The following ATP2A2 variants were observed in gnomAD, a reference collection of about 807,000 sequenced individuals.
ATP2A2 encodes the protein ATPase sarcoplasmic/endoplasmic reticulum Ca2+ transporting 2.
Under a neutral mutation model 109.3 loss-of-function variants are expected in ATP2A2, and 14 were observed. The observed-to-expected ratio is 0.13, with a 90% CI of 0.08 to 0.20. The LOEUF is 0.20. ATP2A2 is among the 10% of genes least tolerant of loss of function. The pLI is 1.00. For missense variants in ATP2A2, 657 were observed against 1,321.6 expected (o/e 0.50, Z 7.80); for synonymous variants, 506 against 490.9 (o/e 1.03, Z -0.41).
At chr12:110,299,011 C>G (rs1047174907) in intron 5 of ATP2A2, among the ~76,000 whole-genome samples, 2 of 152,070 alleles carry the variant, frequency 1.3e-5, no homozygotes, top group Non-Finnish European at 2.9e-5. Flanking sequence ...AATCTGTCAC[C>G]CAGGCTGGAG....
chr12:110,337,437 C>T (rs955259683), intron 11 of ATP2A2, among the ~76,000 whole-genome samples: 1 of 152,204 alleles, frequency 6.6e-6, no homozygotes, highest in Admixed American at 6.5e-5. Context: ...CATCCCAGTG[C>T]CATTGGCGCA....
rs76586905 is a variant in ATP2A2, at chr12:110,350,308, G to A, written c.*3838G>A. 27 of 1,614,088 alleles carry A rather than the reference G, an allele frequency of 1.7e-5. No homozygotes were observed. The African/African-American group carries it at 2.3e-4, about 14-fold the overall frequency. On this transcript the variant is annotated 3_prime_UTR_variant, in exon 20 of 20. Coordinates refer to ENST00000539276, the MANE Select transcript of ATP2A2 (RefSeq NM_170665.4). ...CCTTTTCAGCAATACTGGAGTAACC[G>A]CTTCCTAAACCATTTTGCAGAAATG...
Position 110,323,972 on chromosome 12 carries a change from A to T in ATP2A2, c.544+900A>T, listed in dbSNP as rs1877509618. On this transcript the variant is annotated intron_variant, in intron 6 of 19. Transcript: ENST00000539276. ...TGTTGTATCAATCTTTACAGTATCC[A>T]AATACACAATGAACAAAAGTTAGCC... 1.3e-5 allele frequency among the ~76,000 whole-genome samples: 2 copies of T among 152,222 alleles called. 1 individual carries two copies. Among genetic ancestry groups the T allele is most frequent in the South Asian group, 4.1e-4 (2 of 4,832 alleles).
chr12:110,313,130 C>T (rs1286034581), intron 5 of ATP2A2, among the ~76,000 whole-genome samples: 1 of 152,046 alleles, frequency 6.6e-6, no homozygotes, highest in Non-Finnish European at 1.5e-5. Context: ...GATCTTGAAG[C>T]CTGACCTGAT....
rs1566246039 is a variant in ATP2A2 at position 110,348,713 on chromosome 12, A to C, written c.*2243A>C. The C allele has an allele frequency of 1.0e-6, 1 of 985,298 alleles. No homozygotes were observed. The highest frequency in any genetic ancestry group is 1.2e-6 in the Non-Finnish European group (1 of 829,970). The allele number at this position is 985,298 out of a possible 1,614,324, so 61.0% of individuals were successfully genotyped here. A position where few individuals can be genotyped will look rare whatever the true frequency, so the allele number is the denominator to read the frequency against. ...AGTGAGGCCCTGTCAAAAAAAAATCAGCCTTACTGTGAAGCCTCCAAGGCT... is the reference window on the plus strand; with the variant it reads ...AGTGAGGCCCTGTCAAAAAAAAATCCGCCTTACTGTGAAGCCTCCAAGGCT... On this transcript the variant is annotated 3_prime_UTR_variant, in exon 20 of 20. Coordinates refer to ENST00000539276, the MANE Select transcript of ATP2A2 (RefSeq NM_170665.4).
intron 5 of ATP2A2, among the ~76,000 whole-genome samples, chr12:110,299,486 G>C (rs1393554362): frequency 6.6e-6 from 1 of 152,116 alleles, no homozygotes; most frequent in East Asian, 1.9e-4. Flanking sequence ...ACAATCATCT[G>C]GGGGCACTCT....
rs78135790 is a variant in ATP2A2 at position 110,349,303 on chromosome 12, G to C, written c.*2833G>C. 1 of 985,406 alleles carries C rather than the reference G, an allele frequency of 1.0e-6. No homozygotes were observed. The highest frequency in any genetic ancestry group is 1.7e-5 in the African/African-American group (1 of 57,248). The allele number at this position is 985,406 out of a possible 1,614,324, so 61.0% of individuals were successfully genotyped here. A position where few individuals can be genotyped will look rare whatever the true frequency, so the allele number is the denominator to read the frequency against. On this transcript the variant is annotated 3_prime_UTR_variant, in exon 20 of 20. Transcript: ENST00000539276. ...AGTGAGGCAGCAGCTGCCCAGCCCCGCAATGTGCCTGCTGTCAGGCAGCTC... is the reference window on the plus strand; with the variant it reads ...AGTGAGGCAGCAGCTGCCCAGCCCCCCAATGTGCCTGCTGTCAGGCAGCTC...
intron 3 of ATP2A2, among the ~76,000 whole-genome samples, chr12:110,284,271 A>G (rs1373263705): frequency 6.6e-6 from 1 of 152,260 alleles, no homozygotes; most frequent in Non-Finnish European, 1.5e-5. Flanking sequence ...TCATGGGGCA[A>G]AATAAATGAT....
chr12:110,318,217 G>T (rs770827820), intron 5 of ATP2A2, among the ~76,000 whole-genome samples: 3 of 152,112 alleles, frequency 2.0e-5, no homozygotes, highest in Non-Finnish European at 4.4e-5. Context: ...AAAAGTATTC[G>T]GTGGACCTTT....
chr12:110,333,158 A>G (rs750633677), intron 9 of ATP2A2, 23 bp from the exon 10 acceptor site: 2 of 1,592,584 alleles, frequency 1.3e-6, no homozygotes, highest in Non-Finnish European at 1.7e-6. Flanking sequence ...ACCCTGCTCT[A>G]AGAGTGTTTT....
rs753907244 is a variant in ATP2A2 at position 110,340,807 on chromosome 12, G to A, written c.1910G>A (p.Arg637His). 2.5e-5 allele frequency: 41 copies of A among 1,614,092 alleles called. No homozygotes were observed. Among genetic ancestry groups the A allele is most frequent in the South Asian group, 1.3e-4 (12 of 91,086 alleles). ...GGCACTGCTGTGGCCATCTGTCGCC[G>A]CATCGGCATCTTCGGGCAGGATGAG... ...NKGTAVAICR[R>H]IGIFGQDEDV... The change falls in exon 14 of 20, where the codon CGC becomes CAC. Residue 637 changes from arginine (R) to histidine (H), a missense_variant. This residue lies in a region of ATP2A2 where 180 missense variants were observed against 329.1 expected (regional missense o/e 0.55). Coordinates refer to ENST00000539276, the MANE Select transcript of ATP2A2 (RefSeq NM_170665.4). This position sits in a 1 kb window ranked among gnomAD's most constrained non-coding sequence, Gnocchi z 6.0.
Position 110,339,482 on chromosome 12 carries a change from C to G in ATP2A2, c.1543-21C>G. 1.2e-6 allele frequency: 2 copies of G among 1,613,932 alleles called. No homozygotes were observed. Among genetic ancestry groups the G allele is most frequent in the Admixed American group, 1.7e-5 (1 of 59,976 alleles). The stretch of plus-strand genomic sequence containing the variant: ...GAACCAATAAAACAAAATTGTTTAT[C>G]TAAATCTGTAACATTTCCAGGGTGC... On this transcript the variant is annotated intron_variant, in intron 12 of 19. Transcript: ENST00000539276. The surrounding 1 kb of genome is among the most constrained non-coding windows in gnomAD (Gnocchi z 4.4).
chr12:110,292,909 TAAAA>T (rs1177840426), intron 4 of ATP2A2, among the ~76,000 whole-genome samples: 3 of 152,224 alleles, frequency 2.0e-5, no homozygotes, highest in Non-Finnish European at 1.5e-5. Context: ...TGACAAACTT[TAAAA>T]GCTACATGTC....
intron 5 of ATP2A2, among the ~76,000 whole-genome samples, chr12:110,297,107 G>A (rs1874039553): frequency 2.0e-5 from 3 of 152,056 alleles, no homozygotes; most frequent in South Asian, 4.1e-4. Context: ...TTGTTTCTTG[G>A]CACCAAAGTT....
At chr12:110,329,763 T>C (rs1393363546) in intron 8 of ATP2A2, 1 of 152,220 alleles carries the variant, frequency 6.6e-6, no homozygotes, top group African/African-American at 2.4e-5. Flanking sequence ...ATAAATAATT[T>C]AAACCTGCTG....
In ATP2A2 at chr12:110,296,601, A is replaced by G. The variant is rs55984131; in HGVS notation, c.327A>G (p.Glu109=). The G allele has an allele frequency of 9.0e-3, 14,522 of 1,614,132 alleles. 74 individuals are homozygous for G. The highest frequency in any genetic ancestry group is 0.01 in the Non-Finnish European group (11,957 of 1,179,988). The change falls in exon 5 of 20, where the codon GAA becomes GAG. Residue 109 remains glutamate (E), a splice_region_variant and synonymous_variant. Transcript: ENST00000539276. The part of the protein sequence containing the change: ...VANAIVGVWQ[E]RNAENAIEAL... ...CTCTTCTGTTTTCTTTTATACAGGAAAGAAATGCTGAAAATGCCATCGAAG... is the reference window on the plus strand; with the variant it reads ...CTCTTCTGTTTTCTTTTATACAGGAGAGAAATGCTGAAAATGCCATCGAAG...
chr12:110,306,008 G>A (rs1875275040), intron 5 of ATP2A2, among the ~76,000 whole-genome samples: 1 of 151,770 alleles, frequency 6.6e-6, no homozygotes, highest in Non-Finnish European at 1.5e-5. Context: ...TTTGTAACTT[G>A]AAATTGGCCT....
Position 110,326,340 on chromosome 12 carries a change from CTTGGTGTGGGTCGCAGAGATCTGTT to C in ATP2A2, c.545-47_545-23del, listed in dbSNP as rs758234347. ...GGGCATGAATGAGAGGTTCTAGGTT[CTTGGTGTGGGTCGCAGAGATCTGTT>C]TTTTCTGTCTCACAACCCGCTTAGG... is the stretch of plus-strand genomic sequence containing the variant. On this transcript the variant is annotated intron_variant, in intron 6 of 19. Coordinates refer to ENST00000539276, the MANE Select transcript of ATP2A2 (RefSeq NM_170665.4). 3.3e-6 allele frequency: 5 copies of C among 1,521,222 alleles called. No individual in the cohort carries two copies. In the African/African-American group the frequency reaches 6.8e-5, roughly 21 times the overall value. 94.2% of individuals were successfully genotyped at this position (1,521,222 alleles called of 1,614,324 possible). A position where few individuals can be genotyped will look rare whatever the true frequency, so the allele number is the denominator to read the frequency against.
chr12:110,300,855 A>G (rs937654811), intron 5 of ATP2A2, among the ~76,000 whole-genome samples: 5 of 151,924 alleles, frequency 3.3e-5, no homozygotes, highest in Non-Finnish European at 5.9e-5. Context: ...CAAGATTTCT[A>G]GTTTACGTGA....
Sources: allele counts gnomAD v4.1 joint callset (sites outside exome capture counted in the v4.1 genomes callset), GRCh38; gene constraint gnomAD v4.1.1; regional missense constraint gnomAD v4.1.1; non-coding constraint Gnocchi (gnomAD v3.1); transcripts MANE v1.5; gene names NCBI Gene and HGNC (gene_info 2026-07-23, HGNC 2026-07-21).